Variants in HRH1 observed in about 807,000 individuals in gnomAD.
HRH1 encodes histamine receptor H1, also known as histamine H1 receptor.
In HRH1, 6 loss-of-function variants were observed where a neutral mutation model predicts 10.3. That is an observed-to-expected ratio of 0.58 (90% confidence interval 0.32 to 1.15). The LOEUF is 1.15. Among genes scored for constraint, HRH1 ranks in the 50% most tolerant of loss-of-function variants. HRH1 has a pLI of 0.05. For missense variants in HRH1, 514 were observed against 615.3 expected (o/e 0.84, Z 1.74); for synonymous variants, 242 against 236.7 (o/e 1.02, Z -0.21).
At chr3:11,249,437 G>A (rs1280498308) in intron 1 of HRH1, among the ~76,000 whole-genome samples, 1 of 150,842 alleles carries the variant, frequency 6.6e-6, no homozygotes, top group South Asian at 2.1e-4. Context: ...GGATTTAGGA[G>A]GAGAGGGAGA....
intron 1 of HRH1, among the ~76,000 whole-genome samples, chr3:11,160,482 C>T (rs1010176497): frequency 6.6e-6 from 1 of 152,182 alleles, no homozygotes; most frequent in Non-Finnish European, 1.5e-5. Flanking sequence ...ACTAAATTAT[C>T]GCTCTCTAAC....
intron 1 of HRH1, among the ~76,000 whole-genome samples, chr3:11,250,817 G>A (rs1038204357): frequency 1.3e-5 from 2 of 152,146 alleles, no homozygotes; most frequent in South Asian, 2.1e-4. Context: ...GTGGATGCAC[G>A]GCATGTGGTA....
At position 11,183,927 on chromosome 3, in the gene HRH1, AG is replaced by A. The variant is rs1480490708; in HGVS notation, c.-36+29375del. On this transcript the variant is annotated intron_variant, in intron 1 of 1. Coordinates refer to ENST00000431010, the MANE Select transcript of HRH1 (RefSeq NM_001098212.2). ...CATGGCAGGTCCTTGCTGCTCAGAG[AG>A]GCAGGCCGTGTGACTGGTCCTTGGT... 1.0e-4 allele frequency among the ~76,000 whole-genome samples: 14 copies of A among 139,102 alleles called. No individual in the cohort carries two copies. The East Asian group carries it at 2.8e-3, about 28-fold the overall frequency. The allele number at this position is 139,102 out of a possible 152,430, so 91.3% of individuals were successfully genotyped here. A position where few individuals can be genotyped will look rare whatever the true frequency, so the allele number is the denominator to read the frequency against.
chr3:11,227,567 T>A (rs1439259442), intron 1 of HRH1, among the ~76,000 whole-genome samples: 1 of 152,040 alleles, frequency 6.6e-6, no homozygotes, highest in Non-Finnish European at 1.5e-5. Flanking sequence ...ATTACAGACG[T>A]GAGCCACCAC....
At chr3:11,231,541 G>A (rs1012590043) in intron 1 of HRH1, among the ~76,000 whole-genome samples, 4 of 152,188 alleles carry the variant, frequency 2.6e-5, no homozygotes, top group Non-Finnish European at 5.9e-5. Flanking sequence ...TGATGGCTGT[G>A]CAGTGATATC....
intron 1 of HRH1, among the ~76,000 whole-genome samples, chr3:11,204,868 G>A (rs536078839): frequency 2.0e-5 from 3 of 152,266 alleles, no homozygotes; most frequent in African/African-American, 4.8e-5. Context: ...TGCAGTCCCC[G>A]CTGGGTAGCG....
At chr3:11,255,773 G>A (rs138810595) in intron 1 of HRH1, among the ~76,000 whole-genome samples, 1,635 of 152,320 alleles carry the variant, frequency 0.011, 35 homozygotes, top group African/African-American at 0.037. Context: ...TTTCTGATTA[G>A]CCTCTCCAAA....
upstream of HRH1, among the ~76,000 whole-genome samples, chr3:11,153,360 A>C (rs1018861350): frequency 6.6e-6 from 1 of 152,134 alleles, no homozygotes; most frequent in African/African-American, 2.4e-5. Context: ...ATGGGCCCTG[A>C]GGCCAAGAAA....
At chr3:11,147,893 C>G (rs1936491345) in intron 1 of HRH1, among the ~76,000 whole-genome samples, 1 of 152,138 alleles carries the variant, frequency 6.6e-6, no homozygotes, top group Non-Finnish European at 1.5e-5. Flanking sequence ...GTTTGAAACT[C>G]TCTTCTGGCT....
chr3:11,172,220 AC>A (rs1356654034), intron 1 of HRH1, among the ~76,000 whole-genome samples: 2 of 152,200 alleles, frequency 1.3e-5, no homozygotes, highest in Admixed American at 1.3e-4. Flanking sequence ...TTATTGAGAC[AC>A]CACTCTGCCA....
chr3:11,248,329 A>G (rs1018622107), intron 1 of HRH1, among the ~76,000 whole-genome samples: 4 of 152,192 alleles, frequency 2.6e-5, no homozygotes, highest in African/African-American at 9.7e-5. Flanking sequence ...CACCAGAACA[A>G]TATAAATTTG....
chr3:11,229,978 T>C (rs1182274557), intron 1 of HRH1, among the ~76,000 whole-genome samples: 1 of 152,078 alleles, frequency 6.6e-6, no homozygotes, highest in Admixed American at 6.6e-5. Flanking sequence ...GGGTGGGGAC[T>C]AGAGGGGGTG....
At chr3:11,177,253 TTAAATAAA>T (rs201560218) in intron 1 of HRH1, among the ~76,000 whole-genome samples, 313 of 149,434 alleles carry the variant, frequency 2.1e-3, no homozygotes, top group African/African-American at 6.3e-3. Flanking sequence ...AATAAATAAA[TTAAATAAA>T]TAAATAAATA....
intron 1 of HRH1, among the ~76,000 whole-genome samples, chr3:11,258,584 G>A (rs1939847127): frequency 6.6e-6 from 1 of 152,100 alleles, no homozygotes. Context: ...GGTATCTCAT[G>A]GTCACTCCTC....
At chr3:11,186,789 A>G (rs573278953) in intron 1 of HRH1, among the ~76,000 whole-genome samples, 2 of 152,268 alleles carry the variant, frequency 1.3e-5, no homozygotes, top group East Asian at 1.9e-4. Context: ...GCTCTAGGTA[A>G]TCAGGCAGAC....
intron 1 of HRH1, among the ~76,000 whole-genome samples, chr3:11,196,724 C>G (rs1262890908): frequency 6.6e-6 from 1 of 152,042 alleles, no homozygotes; most frequent in East Asian, 1.9e-4. Context: ...GATGCTGTCA[C>G]AGGGTATTAT....
intron 1 of HRH1, among the ~76,000 whole-genome samples, chr3:11,216,958 C>A (rs538040590): frequency 1.4e-4 from 22 of 151,856 alleles, no homozygotes; most frequent in Admixed American, 1.2e-3. Context: ...CCGAGGCGGG[C>A]AGATTGCCTG....
At chr3:11,212,659 C>T (rs1938365608) in intron 1 of HRH1, among the ~76,000 whole-genome samples, 2 of 152,188 alleles carry the variant, frequency 1.3e-5, no homozygotes, top group Admixed American at 6.5e-5. Context: ...GGGCCACCAT[C>T]CTGCTGGTTT....
upstream of HRH1, among the ~76,000 whole-genome samples, chr3:11,151,264 A>G (rs1936613271): frequency 6.6e-6 from 1 of 152,234 alleles, no homozygotes; most frequent in Non-Finnish European, 1.5e-5. Flanking sequence ...CTATGGAAAG[A>G]GCCAGCCTGC....
Sources: gnomAD v4.1 joint callset for allele counts (sites outside exome capture counted in the v4.1 genomes callset) on GRCh38, gnomAD v4.1.1 for gene constraint, MANE v1.5 for transcripts, NCBI Gene and HGNC (gene_info 2026-07-23, HGNC 2026-07-21) for gene names.